Variants in DNAH17 observed in about 807,000 individuals in gnomAD.
DNAH17 encodes dynein axonemal heavy chain 17.
DNAH17 carries 376 observed loss-of-function variants against 485.6 expected under a neutral mutation model. The ratio of observed to expected loss-of-function variants is 0.77; its 90% confidence interval spans 0.71 to 0.84. DNAH17 has a LOEUF of 0.84. Ranked by LOEUF, DNAH17 falls within the 40% of genes least tolerant of loss-of-function variation. DNAH17 has a pLI of 0.00. For missense variants in DNAH17, 6,370 were observed against 5,839.3 expected, an observed-to-expected ratio of 1.09 and a Z score of -2.96; for synonymous variants, 3,031 against 2,405.9, an observed-to-expected ratio of 1.26 and a Z score of -7.60.
intron 75 of DNAH17, among the ~76,000 whole-genome samples, chr17:78,430,034 C>T (rs1194765477): frequency 2.0e-5 from 3 of 152,202 alleles, no homozygotes; most frequent in South Asian, 2.1e-4. Context: ...CTTCCCACCC[C>T]GCCGCCGTTC....
At chr17:78,532,213 TATTTTCCCCAC>T (rs971516492) in intron 20 of DNAH17, among the ~76,000 whole-genome samples, 3 of 152,142 alleles carry the variant, frequency 2.0e-5, no homozygotes, top group Non-Finnish European at 4.4e-5. Flanking sequence ...AAAGGCTCTT[TATTTTCCCCAC>T]ATTTTCCCCA....
At chr17:78,556,577 A>G (rs1206964024) in intron 14 of DNAH17, among the ~76,000 whole-genome samples, 1 of 152,154 alleles carries the variant, frequency 6.6e-6, no homozygotes, top group Non-Finnish European at 1.5e-5. Flanking sequence ...GTTGTATGGT[A>G]CAAATGGTCG....
At chr17:78,557,959 A>G (rs2092063435) in intron 14 of DNAH17, 149 bp downstream of exon 14, 2 of 984,070 alleles carry the variant, frequency 2.0e-6, no homozygotes, top group Admixed American at 5.8e-5. Context: ...GCAGGTACTC[A>G]GTAAGTATGC....
chr17:78,551,431 CCA>C (rs2091899149), intron 16 of DNAH17, 102 bp downstream of exon 16: 1 of 1,028,096 alleles, frequency 9.7e-7, no homozygotes, highest in African/African-American at 1.6e-5. Flanking sequence ...CCACTGCACC[CCA>C]CACATCGCAG....
intron 51 of DNAH17, among the ~76,000 whole-genome samples, chr17:78,478,092 C>A: frequency 6.6e-6 from 1 of 150,558 alleles, no homozygotes; most frequent in African/African-American, 2.5e-5. Context: ...TCACCATCAC[C>A]ACCACCATCA....
intron 74 of DNAH17, among the ~76,000 whole-genome samples, chr17:78,435,597 C>T (rs868671510): frequency 6.6e-6 from 1 of 152,222 alleles, no homozygotes; most frequent in Non-Finnish European, 1.5e-5. Context: ...CTGTCTGTCG[C>T]TGACTGACAC....
Position 78,561,723 on chromosome 17 carries a change from G to A in DNAH17, c.1827C>T (p.Val609=), listed in dbSNP as rs145822727. The stretch of plus-strand genomic sequence containing the variant: ...CCAGGGCTGTGACTCACGGGTGTTC[G>A]ACGTGCTTCAGGTGTTTCATGGACA... ...LEVSMKHLKH[V]EHPVMSGAEA... is the part of the protein sequence containing the mutation. The change falls in exon 12 of 81, where the codon GTC becomes GTT. Residue 609 remains valine, a synonymous_variant. Transcript: ENST00000389840. 2.4e-5 allele frequency: 39 copies of A among 1,606,360 alleles called. 1 individual carries two copies. The highest frequency in any genetic ancestry group is 3.3e-4 in the Middle Eastern group (2 of 6,042).
intron 25 of DNAH17, chr17:78,522,540 C>A: frequency 3.2e-6 from 1 of 308,550 alleles, no homozygotes; most frequent in Non-Finnish European, 6.4e-6. Context: ...CTGCCAGCCC[C>A]TAAGTCACAC....
chr17:78,426,832 G>A (rs765152057), intron 78 of DNAH17, 94 bp downstream of exon 78: 139 of 1,446,522 alleles, frequency 9.6e-5, no homozygotes, highest in Non-Finnish European at 1.2e-4. Flanking sequence ...ATGCTGATCC[G>A]GGGCCTGTGC....
chr17:78,493,541 T>C (rs1461435381), intron 41 of DNAH17, among the ~76,000 whole-genome samples: 2 of 152,246 alleles, frequency 1.3e-5, no homozygotes, highest in Non-Finnish European at 2.9e-5. Flanking sequence ...AAAACATCAC[T>C]TCTGGTGAGC....
intron 19 of DNAH17, among the ~76,000 whole-genome samples, chr17:78,536,818 C>T (rs949204006): frequency 2.6e-5 from 4 of 151,956 alleles, no homozygotes; most frequent in Admixed American, 6.6e-5. Flanking sequence ...TTGGGAAGGA[C>T]GACAGATGTG....
At chr17:78,540,447 A>ATGGATGGGTGGGTGGATGGGTGGG (rs1347854143) in intron 17 of DNAH17, among the ~76,000 whole-genome samples, 1 of 6,316 alleles carries the variant, frequency 1.6e-4, no homozygotes, top group African/African-American at 7.7e-4. Context: ...GGATGGATGG[A>ATGGATGGGTGGGTGGATGGGTGGG]TGGGTGGGTG....
At chr17:78,431,233 G>A (rs1406040622) in intron 75 of DNAH17, among the ~76,000 whole-genome samples, 2 of 152,142 alleles carry the variant, frequency 1.3e-5, no homozygotes, top group Admixed American at 6.5e-5. Flanking sequence ...TATCATTAGC[G>A]ACTTACAACC....
chr17:78,566,692 G>T lies in DNAH17; in HGVS notation c.1491C>A (p.Ile497=). 6.2e-7 allele frequency: 1 copy of T among 1,609,630 alleles called. No homozygotes were observed. The change falls in exon 11 of 81, where the codon ATC becomes ATA. Residue 497 remains isoleucine, a synonymous_variant. Transcript: ENST00000389840. The part of the protein sequence containing the change: ...DRDYADFEIK[I]QDLDRRLATI... ...TGGCCAGCCTCCTATCCAGGTCTTG[G>T]ATTTTGATCTCAAAATCAGCATAAT...
Position 78,501,752 on chromosome 17 carries a change from A to G in DNAH17, c.5312T>C (p.Ile1771Thr). Reference sequence around the variant, plus strand: ...CAGGGGCGCTCATGCCTTGGCCACGATCATTTTGGCCACCACGTCCCGTGC... The same window carrying G: ...CAGGGGCGCTCATGCCTTGGCCACGGTCATTTTGGCCACCACGTCCCGTGC... ...VHARDVVAKM[I>T]VAKVESSQAF... Residue 1771 changes from isoleucine to threonine, a missense_variant, in exon 34 of 81, where the codon ATC becomes ACC. Coordinates refer to ENST00000389840, the MANE Select transcript of DNAH17 (RefSeq NM_173628.4). 6.2e-7 allele frequency: 1 copy of G among 1,613,170 alleles called. No individual in the cohort carries two copies. Among genetic ancestry groups the G allele is most frequent in the Non-Finnish European group, 8.5e-7 (1 of 1,179,810 alleles).
rs543663107 is a variant in DNAH17, at chr17:78,428,619, G to A, written c.12494C>T (p.Thr4165Met). The A allele has an allele frequency of 2.7e-5, 43 of 1,613,948 alleles. No individual in the cohort carries two copies. Among genetic ancestry groups the A allele is most frequent in the Middle Eastern group, 1.6e-4 (1 of 6,062 alleles). ...GCGGAACAGCTTCTCTGAGGTGACC[G>A]TCAGAAAGCCAATCTCTGCGTTGGG... ...LHPNAEIGFL[T>M]VTSEKLFRTV... Residue 4165 changes from threonine to methionine, a missense_variant, in exon 77 of 81, where the codon ACG becomes ATG. Thr to Met is a moderately conservative substitution (Grantham distance 81, BLOSUM62 -1). Coordinates refer to ENST00000389840, the MANE Select transcript of DNAH17 (RefSeq NM_173628.4).
At chr17:78,568,359 A>G (rs1025890204) in intron 9 of DNAH17, among the ~76,000 whole-genome samples, 19 of 151,996 alleles carry the variant, frequency 1.3e-4, no homozygotes, top group Non-Finnish European at 2.5e-4. Flanking sequence ...TGTAGAAGAG[A>G]ACTGGACAAG....
intron 44 of DNAH17, among the ~76,000 whole-genome samples, chr17:78,488,223 C>T (rs117724780): frequency 0.032 from 4,832 of 152,280 alleles, 110 homozygotes; most frequent in South Asian, 0.07. Context: ...CGAGACAGGC[C>T]GACTTTCTCA....
chr17:78,451,678 C>CGGTTGGTGGAGGAAAG lies in DNAH17; in HGVS notation c.10530-21_10530-6dup. On this transcript the variant is annotated splice_polypyrimidine_tract_variant and splice_region_variant and intron_variant, in intron 65 of 80. Coordinates refer to ENST00000389840, the MANE Select transcript of DNAH17 (RefSeq NM_173628.4). ...TTGTCACCGATCTTAATGTACCTGG[C>CGGTTGGTGGAGGAAAG]GGTTGGTGGAGGAAAGGGTTAGTGG... 1 of 1,551,426 alleles carries CGGTTGGTGGAGGAAAG rather than the reference C, an allele frequency of 6.4e-7. No homozygotes were observed. The highest frequency in any genetic ancestry group is 1.9e-5 in the Admixed American group (1 of 53,034).
Sources: allele counts gnomAD v4.1 joint callset (sites outside exome capture counted in the v4.1 genomes callset), GRCh38; gene constraint gnomAD v4.1.1; transcripts MANE v1.5; gene names NCBI Gene and HGNC (gene_info 2026-07-23, HGNC 2026-07-21).